The following WWOX variants were observed in gnomAD, a reference collection of about 807,000 sequenced individuals.
The protein encoded by WWOX is WW domain containing oxidoreductase.
WWOX carries 69 observed loss-of-function variants against 46.2 expected under a neutral mutation model. The ratio of observed to expected loss-of-function variants is 1.49; its 90% CI spans 1.23 to 1.82. The LOEUF (loss-of-function observed/expected upper bound fraction) is 1.82, where lower values mean the gene tolerates loss of function less well. Ranked by LOEUF, WWOX falls within the 40% of genes most tolerant of loss-of-function variation. WWOX has a pLI of 0.00. For missense variants in WWOX, 919 were observed against 542.6 expected (o/e 1.69, Z -6.89); for synonymous variants, 359 against 202.6 (o/e 1.77, Z -6.56).
intron 8 of WWOX, among the ~76,000 whole-genome samples, chr16:78,506,865 A>T (rs1044575020): frequency 6.6e-6 from 1 of 151,886 alleles, no homozygotes; most frequent in Non-Finnish European, 1.5e-5. Flanking sequence ...GGCACCTACC[A>T]CCACGCCTGG....
chr16:78,983,443 T>G (rs2151336207), intron 8 of WWOX, among the ~76,000 whole-genome samples: 1 of 152,320 alleles, frequency 6.6e-6, no homozygotes, highest in African/African-American at 2.4e-5. Context: ...TCCATAAAAC[T>G]GAACAGGTGT....
chr16:78,608,339 C>G (rs572932161), intron 8 of WWOX, among the ~76,000 whole-genome samples: 1 of 152,186 alleles, frequency 6.6e-6, no homozygotes, highest in African/African-American at 2.4e-5. Context: ...TGCTTTCTTT[C>G]AAAGCCCTTA....
chr16:78,811,448 C>A (rs1027465428), intron 8 of WWOX, among the ~76,000 whole-genome samples: 1 of 151,980 alleles, frequency 6.6e-6, no homozygotes, highest in Non-Finnish European at 1.5e-5. Context: ...TTCTTCCTTT[C>A]CTTTCCCTTT....
intron 8 of WWOX, among the ~76,000 whole-genome samples, chr16:78,636,330 C>G (rs577265989): frequency 6.6e-6 from 1 of 152,106 alleles, no homozygotes; most frequent in Non-Finnish European, 1.5e-5. Context: ...AGACCCCCAC[C>G]TTTGAATAAA....
chr16:78,756,081 T>C (rs1047342136), intron 8 of WWOX, among the ~76,000 whole-genome samples: 3 of 152,070 alleles, frequency 2.0e-5, no homozygotes, highest in African/African-American at 7.2e-5. Flanking sequence ...CTTCAGTCTT[T>C]TATTTGAAAA....
intron 8 of WWOX, among the ~76,000 whole-genome samples, chr16:78,662,121 G>A (rs2047227963): frequency 6.6e-6 from 1 of 152,274 alleles, no homozygotes; most frequent in Non-Finnish European, 1.5e-5. Context: ...CCCTGACTTT[G>A]GGGTTTGCAG....
intron 8 of WWOX, among the ~76,000 whole-genome samples, chr16:79,116,525 C>G (rs2049519046): frequency 6.6e-6 from 1 of 152,178 alleles, no homozygotes; most frequent in Non-Finnish European, 1.5e-5. Context: ...ACTTTCTTTG[C>G]TCATCTCTAA....
intron 8 of WWOX, among the ~76,000 whole-genome samples, chr16:78,529,633 T>C (rs2043570510): frequency 1.3e-5 from 2 of 149,840 alleles, no homozygotes; most frequent in African/African-American, 4.9e-5. Flanking sequence ...CACCTGGCAA[T>C]TTTTTTTTTA....
intron 8 of WWOX, among the ~76,000 whole-genome samples, chr16:78,548,011 C>T (rs1035879913): frequency 9.2e-5 from 14 of 151,800 alleles, no homozygotes; most frequent in African/African-American, 2.4e-4. Flanking sequence ...AAAAATTAGC[C>T]GGGTGTGGTG....
At chr16:78,395,271 C>T (rs2082260017) in intron 6 of WWOX, among the ~76,000 whole-genome samples, 1 of 152,214 alleles carries the variant, frequency 6.6e-6, no homozygotes, top group South Asian at 2.1e-4. Context: ...GTTATCCCAG[C>T]ACTTTGGGAG....
At chr16:78,699,802 A>T (rs148886382) in intron 8 of WWOX, among the ~76,000 whole-genome samples, 321 of 152,232 alleles carry the variant, frequency 2.1e-3, no homozygotes, top group African/African-American at 7.1e-3. Flanking sequence ...ACTTCATGGA[A>T]TTTATGCATT....
At position 79,212,273 on chromosome 16, in the gene WWOX, G is replaced by C; in HGVS notation, c.*477G>C. 1 of 1,225,466 alleles carries C rather than the reference G, an allele frequency of 8.2e-7. No homozygotes were observed. The highest frequency in any genetic ancestry group is 1.1e-6 in the Non-Finnish European group (1 of 911,290). The allele number at this position is 1,225,466 out of a possible 1,614,324, so 75.9% of individuals were successfully genotyped here. A position where few individuals can be genotyped will look rare whatever the true frequency, so the allele number is the denominator to read the frequency against. On this transcript the variant is annotated 3_prime_UTR_variant, in exon 9 of 9. Transcript: ENST00000566780. ...AGGAGATAATTGTTTCATTCATCCT[G>C]ACCAAGACTGAGCCAGCTTAGCAAC... is the stretch of plus-strand genomic sequence containing the variant.
In WWOX at chr16:79,211,832, CTGTG is replaced by C; in HGVS notation, c.*42_*45del. ...GAGCGGATGGGCACACACACCCGCCCTGTGTGTGTCCCCTCACGCAAGTGCCAGG... is the reference window on the plus strand; with the variant it reads ...GAGCGGATGGGCACACACACCCGCCCTGTGTCCCCTCACGCAAGTGCCAGG... On this transcript the variant is annotated 3_prime_UTR_variant, in exon 9 of 9. Transcript: ENST00000566780. The C allele has an allele frequency of 1.2e-6, 2 of 1,612,792 alleles. No homozygotes were observed. The highest frequency in any genetic ancestry group is 1.7e-6 in the Non-Finnish European group (2 of 1,179,698).
At chr16:78,415,857 C>T (rs1310167765) in intron 6 of WWOX, among the ~76,000 whole-genome samples, 1 of 152,268 alleles carries the variant, frequency 6.6e-6, no homozygotes, top group South Asian at 2.1e-4. Context: ...AGGGGATGTC[C>T]TCTGGCCCAG....
At chr16:78,260,868 T>A (rs1278343854) in intron 5 of WWOX, among the ~76,000 whole-genome samples, 2 of 134,434 alleles carry the variant, frequency 1.5e-5, no homozygotes, top group Non-Finnish European at 3.1e-5. Flanking sequence ...ACCCGGGAGG[T>A]GGAGGTTGCA....
At chr16:78,442,897 C>A (rs1009403369) in intron 8 of WWOX, among the ~76,000 whole-genome samples, 3 of 151,814 alleles carry the variant, frequency 2.0e-5, no homozygotes, top group Non-Finnish European at 4.4e-5. Context: ...CCGAGCCGGG[C>A]GAATCACGAG....
At position 79,211,765 on chromosome 16, in the gene WWOX, T is replaced by G. The variant is rs762284404; in HGVS notation, c.1214T>G (p.Ile405Ser). ...CTGTGGGCGCTCAGCGAGAGGCTGA[T>G]CCAAGAACGGCTTGGCAGCCAGTCC... ...RTLWALSERL[I>S]QERLGSQSG The change falls in exon 9 of 9, where the codon ATC becomes AGC. Residue 405 changes from isoleucine (I) to serine (S), a missense_variant. Ile to Ser is a moderately radical substitution (Grantham distance 142, BLOSUM62 -2). Coordinates refer to ENST00000566780, the MANE Select transcript of WWOX (RefSeq NM_016373.4). 1.2e-6 allele frequency: 2 copies of G among 1,613,970 alleles called. No homozygotes were observed. The highest frequency in any genetic ancestry group is 1.7e-6 in the Non-Finnish European group (2 of 1,179,998).
At chr16:78,327,107 C>G (rs970186422) in intron 5 of WWOX, among the ~76,000 whole-genome samples, 1 of 152,156 alleles carries the variant, frequency 6.6e-6, no homozygotes, top group African/African-American at 2.4e-5. Context: ...TTGTGACTTT[C>G]AAGTCCCTAA....
intron 8 of WWOX, among the ~76,000 whole-genome samples, chr16:78,579,087 T>C (rs574268328): frequency 6.6e-6 from 1 of 152,294 alleles, no homozygotes; most frequent in Admixed American, 6.5e-5. Context: ...CACTTCATCA[T>C]GTTTGGTCTC....
Sources: gnomAD v4.1 joint callset for allele counts (sites outside exome capture counted in the v4.1 genomes callset) on GRCh38, gnomAD v4.1.1 for gene constraint, MANE v1.5 for transcripts, NCBI Gene and HGNC (gene_info 2026-07-23, HGNC 2026-07-21) for gene names.